The following SOX5 variants were observed in gnomAD, a reference collection of about 807,000 sequenced individuals.
SOX5 encodes transcription factor SOX-5.
In SOX5, 9 loss-of-function variants were observed where a neutral mutation model predicts 92.0. The ratio of observed to expected loss-of-function variants is 0.10; its 90% CI spans 0.06 to 0.17. The LOEUF is 0.17. Ranked by LOEUF, SOX5 falls within the 10% of genes least tolerant of loss-of-function variation. The pLI is 1.00. For synonymous variants in SOX5, 344 were observed against 336.3 expected (o/e 1.02, Z -0.25); for missense variants, 642 against 944.5 (o/e 0.68, Z 4.20).
At chr12:23,663,291 T>C (rs565728437) in intron 7 of SOX5, among the ~76,000 whole-genome samples, 6 of 152,316 alleles carry the variant, frequency 3.9e-5, no homozygotes, top group African/African-American at 1.2e-4. Flanking sequence ...GTATCATTTA[T>C]AACTTTAAGC....
At chr12:23,708,673 T>C (rs1392961996) in intron 6 of SOX5, among the ~76,000 whole-genome samples, 2 of 152,108 alleles carry the variant, frequency 1.3e-5, no homozygotes, top group African/African-American at 4.8e-5. Context: ...AATTTGAACA[T>C]GTGGCAGGAA....
At chr12:23,738,676 G>C (rs2093689795) in intron 5 of SOX5, among the ~76,000 whole-genome samples, 1 of 152,130 alleles carries the variant, frequency 6.6e-6, no homozygotes, top group Non-Finnish European at 1.5e-5. Flanking sequence ...ATCAGTCATT[G>C]CTTAGATCTT....
intron 1 of SOX5, among the ~76,000 whole-genome samples, chr12:24,404,470 G>C (rs988829291): frequency 1.3e-5 from 2 of 152,198 alleles, no homozygotes; most frequent in Non-Finnish European, 2.9e-5. Flanking sequence ...CTACAGACAG[G>C]TGCCATTTCC....
intron 4 of SOX5, among the ~76,000 whole-genome samples, chr12:23,988,572 G>A (rs1950263276): frequency 6.6e-6 from 1 of 152,170 alleles, no homozygotes; most frequent in South Asian, 2.1e-4. Flanking sequence ...AATTAAGGTA[G>A]AAAACCATAA....
intron 1 of SOX5, among the ~76,000 whole-genome samples, chr12:23,913,242 C>G (rs1279119162): frequency 6.6e-6 from 1 of 152,002 alleles, no homozygotes; most frequent in Admixed American, 6.5e-5. Flanking sequence ...GGATTTTTCC[C>G]CAAAGAATCA....
At chr12:23,730,178 A>G (rs2093337564) in intron 6 of SOX5, among the ~76,000 whole-genome samples, 1 of 152,170 alleles carries the variant, frequency 6.6e-6, no homozygotes, top group Non-Finnish European at 1.5e-5. Flanking sequence ...TAAAATTGCT[A>G]AAAGATGGGG....
chr12:23,660,311 T>A (rs2082867220), intron 7 of SOX5, among the ~76,000 whole-genome samples: 1 of 151,838 alleles, frequency 6.6e-6, no homozygotes, highest in Non-Finnish European at 1.5e-5. Flanking sequence ...AATTCTTAGA[T>A]AATCTCGTTT....
At chr12:23,694,130 C>T (rs2089399156) in intron 6 of SOX5, among the ~76,000 whole-genome samples, 1 of 152,114 alleles carries the variant, frequency 6.6e-6, no homozygotes, top group African/African-American at 2.4e-5. Context: ...TTTTAGTCTA[C>T]TTGTGAGATT....
At chr12:24,483,084 C>G (rs565299307) in intron 1 of SOX5, among the ~76,000 whole-genome samples, 1 of 152,244 alleles carries the variant, frequency 6.6e-6, no homozygotes, top group African/African-American at 2.4e-5. Flanking sequence ...ATACTTATTT[C>G]CTTGTGAAAT....
intron 8 of SOX5, among the ~76,000 whole-genome samples, chr12:23,613,790 C>A (rs991606887): frequency 2.6e-5 from 4 of 152,094 alleles, no homozygotes; most frequent in Non-Finnish European, 4.4e-5. Context: ...AGTATGATTC[C>A]ATTTATATGA....
At chr12:23,979,251 T>A (rs543189694) in intron 4 of SOX5, among the ~76,000 whole-genome samples, 1 of 152,218 alleles carries the variant, frequency 6.6e-6, no homozygotes, top group African/African-American at 2.4e-5. Context: ...TGAGACAGAG[T>A]CTTACTCTGT....
intron 6 of SOX5, among the ~76,000 whole-genome samples, chr12:23,732,506 T>C (rs1053564132): frequency 6.6e-6 from 1 of 152,204 alleles, no homozygotes; most frequent in Non-Finnish European, 1.5e-5. Context: ...TTATCAGTCT[T>C]GCTCAGTACT....
At chr12:24,405,184 A>G (rs1442795536) in intron 1 of SOX5, among the ~76,000 whole-genome samples, 1 of 152,164 alleles carries the variant, frequency 6.6e-6, no homozygotes, top group Non-Finnish European at 1.5e-5. Context: ...AACTAACACA[A>G]CTGTTTTCCT....
chr12:24,259,482 A>G (rs935029293), intron 3 of SOX5, among the ~76,000 whole-genome samples: 3 of 152,240 alleles, frequency 2.0e-5, no homozygotes, highest in Admixed American at 2.0e-4. Context: ...AGAAAAACAT[A>G]AACTGTGATT....
intron 4 of SOX5, among the ~76,000 whole-genome samples, chr12:24,180,881 T>C (rs1955421165): frequency 6.6e-6 from 1 of 152,338 alleles, no homozygotes; most frequent in East Asian, 1.9e-4. Context: ...TCTACCACCA[T>C]TCTACTCAAC....
At chr12:24,016,707 T>C (rs1320759271) in intron 4 of SOX5, among the ~76,000 whole-genome samples, 2 of 152,308 alleles carry the variant, frequency 1.3e-5, no homozygotes, top group East Asian at 1.9e-4. Context: ...CTTTTGGAAA[T>C]GTGGCCACAA....
At chr12:24,016,459 G>T (rs1463606168) in intron 4 of SOX5, among the ~76,000 whole-genome samples, 2 of 151,994 alleles carry the variant, frequency 1.3e-5, no homozygotes, top group African/African-American at 4.8e-5. Flanking sequence ...AAACCAATTG[G>T]CCAGGGACAG....
intron 4 of SOX5, among the ~76,000 whole-genome samples, chr12:24,090,007 G>A (rs1192121736): frequency 1.3e-5 from 2 of 151,960 alleles, no homozygotes; most frequent in Admixed American, 6.6e-5. Flanking sequence ...GTAAGACCAC[G>A]TAAAACAACT....
intron 4 of SOX5, among the ~76,000 whole-genome samples, chr12:23,980,639 G>C (rs1949485861): frequency 6.6e-6 from 1 of 152,092 alleles, no homozygotes; most frequent in Admixed American, 6.6e-5. Flanking sequence ...TTCCCATTTG[G>C]CATTTCAGAC....
Sources: allele counts gnomAD v4.1 joint callset (sites outside exome capture counted in the v4.1 genomes callset), GRCh38; gene constraint gnomAD v4.1.1; transcripts MANE v1.5; gene names NCBI Gene and HGNC (gene_info 2026-07-23, HGNC 2026-07-21).